The following COX10 variants were observed in gnomAD, a reference collection of about 807,000 sequenced individuals.
COX10 encodes protoheme IX farnesyltransferase, mitochondrial.
In COX10, 27 loss-of-function variants were observed where a neutral mutation model predicts 37.3. That is an observed-to-expected ratio of 0.72 (90% confidence interval 0.53 to 1.00). The LOEUF is 1.00. Among genes scored for constraint, COX10 ranks in the 50% least tolerant of loss-of-function variants. The pLI, the probability that COX10 is intolerant of heterozygous loss-of-function variation, is 0.00. For synonymous variants in COX10, 222 were observed against 229.1 expected (o/e 0.97, Z 0.28); for missense variants, 475 against 563.2 (o/e 0.84, Z 1.59).
intron 6 of COX10, among the ~76,000 whole-genome samples, chr17:14,200,936 G>T (rs760565519): frequency 1.3e-5 from 2 of 152,178 alleles, no homozygotes; most frequent in Non-Finnish European, 2.9e-5. Context: ...GCTGAATTAA[G>T]TGTTCTCCTG....
chr17:14,185,652 C>T (rs947769211), intron 5 of COX10, among the ~76,000 whole-genome samples: 2 of 151,718 alleles, frequency 1.3e-5, no homozygotes, highest in African/African-American at 2.4e-5. Flanking sequence ...ATTGCTTGTC[C>T]TCTTTCTACT....
intron 4 of COX10, among the ~76,000 whole-genome samples, chr17:14,125,501 C>G (rs1239307087): frequency 1.3e-5 from 2 of 152,034 alleles, no homozygotes. Context: ...ATATTCAGAG[C>G]CAGACGATGA....
At chr17:14,088,710 A>T (rs1915465261) in intron 3 of COX10, among the ~76,000 whole-genome samples, 1 of 152,216 alleles carries the variant, frequency 6.6e-6, no homozygotes, top group Non-Finnish European at 1.5e-5. Context: ...GACTTAAACA[A>T]GTAAAGGGTT....
In COX10 at chr17:14,178,296, T is replaced by C. The variant is rs1288048912; in HGVS notation, c.696-13693T>C. Among the ~76,000 whole-genome samples the C allele has an allele frequency of 9.2e-5, 9 of 97,702 alleles. 3 individuals are homozygous for C. The highest frequency in any genetic ancestry group is 2.2e-4 in the Non-Finnish European group (9 of 40,334). The allele number at this position is 97,702 out of a possible 152,430, so 64.1% of individuals were successfully genotyped here. A position where few individuals can be genotyped will look rare whatever the true frequency, so the allele number is the denominator to read the frequency against. On this transcript the variant is annotated intron_variant, in intron 5 of 6. Coordinates refer to ENST00000261643, the MANE Select transcript of COX10 (RefSeq NM_001303.4). ...TCTCAGGAGGATAAAACCAAGTGTT[T>C]TGCCCTAGGAGATTATAGCTGCCAG...
rs150229873 is a variant in COX10, at chr17:14,190,173, T to C, written c.696-1816T>C. Among the ~76,000 whole-genome samples the C allele has an allele frequency of 3.8e-3, 580 of 152,248 alleles. 14 individuals are homozygous for C. Among genetic ancestry groups the C allele is most frequent in the Admixed American group, 0.032 (491 of 15,288 alleles). On this transcript the variant is annotated intron_variant, in intron 5 of 6. Coordinates refer to ENST00000261643, the MANE Select transcript of COX10 (RefSeq NM_001303.4). Reference sequence around the variant, plus strand: ...TGAGAAGGCAGGAGAAGAGTTAAAATAGTCACTATAAGGAACGAAAATGGA... The same window carrying C: ...TGAGAAGGCAGGAGAAGAGTTAAAACAGTCACTATAAGGAACGAAAATGGA...
chr17:14,166,015 A>T (rs78310148), intron 5 of COX10, among the ~76,000 whole-genome samples: 1 of 152,246 alleles, frequency 6.6e-6, no homozygotes. Flanking sequence ...GGATTGGTTC[A>T]TGAGGTTTAA....
At chr17:14,195,199 G>A (rs1906332918) in intron 6 of COX10, among the ~76,000 whole-genome samples, 1 of 152,216 alleles carries the variant, frequency 6.6e-6, no homozygotes, top group African/African-American at 2.4e-5. Flanking sequence ...CTTGAGATAA[G>A]CAGCAAATAC....
intron 5 of COX10, among the ~76,000 whole-genome samples, chr17:14,185,521 TAA>T (rs1395847394): frequency 6.6e-6 from 1 of 152,166 alleles, no homozygotes; most frequent in Non-Finnish European, 1.5e-5. Context: ...ATCTCTTGAT[TAA>T]AACAGCTAAA....
Position 14,076,749 on chromosome 17 carries a change from G to A in COX10, c.192G>A (p.Leu64=), listed in dbSNP as rs569444237. 3.3e-5 allele frequency: 53 copies of A among 1,614,118 alleles called. No homozygotes were observed. In the African/African-American group the frequency reaches 6.8e-4, roughly 21 times the overall value. Residue 64 remains leucine (L), a synonymous_variant, in exon 3 of 7, where the codon CTG becomes CTA. Coordinates refer to ENST00000261643, the MANE Select transcript of COX10 (RefSeq NM_001303.4). Reference sequence around the variant, plus strand: ...TTTTTGTTTAGTATGTCACACAGCTGAACAGAAGCCACAACCAGCAAGTAA... The same window carrying A: ...TTTTTGTTTAGTATGTCACACAGCTAAACAGAAGCCACAACCAGCAAGTAA... The part of the protein sequence containing the change: ...SFLKRMYVTQ[L]NRSHNQQVRP...
At chr17:14,188,343 A>G (rs1211013887) in intron 5 of COX10, among the ~76,000 whole-genome samples, 4 of 151,742 alleles carry the variant, frequency 2.6e-5, no homozygotes, top group African/African-American at 9.7e-5. Context: ...AACAACACAG[A>G]GGTATCTTTG....
At chr17:14,170,587 G>A (rs1429434083) in intron 5 of COX10, among the ~76,000 whole-genome samples, 1 of 152,158 alleles carries the variant, frequency 6.6e-6, no homozygotes, top group African/African-American at 2.4e-5. Flanking sequence ...GGCAAAGGTG[G>A]GCAGATCGCT....
chr17:14,206,798 A>ACCG lies in COX10; in HGVS notation c.929-10_929-9insGCC, dbSNP rs1567615149. 2.5e-6 allele frequency: 4 copies of ACCG among 1,613,662 alleles called. No individual in the cohort carries two copies. The highest frequency in any genetic ancestry group is 3.4e-6 in the Non-Finnish European group (4 of 1,179,866). ...GCCTTTGTCTCCCTCTCCTTCCCTGACCCCCGCACAGGCGCATTTCTCCTG... is the reference window on the plus strand; with the variant it reads ...GCCTTTGTCTCCCTCTCCTTCCCTGACCGCCCCCGCACAGGCGCATTTCTCCTG... On this transcript the variant is annotated splice_polypyrimidine_tract_variant and intron_variant, in intron 6 of 6. Transcript: ENST00000261643.
At chr17:14,150,836 T>C (rs1285260653) in intron 4 of COX10, among the ~76,000 whole-genome samples, 2 of 152,210 alleles carry the variant, frequency 1.3e-5, no homozygotes, top group African/African-American at 4.8e-5. Context: ...TAGCTTGACC[T>C]GGACAGCTGC....
intron 4 of COX10, among the ~76,000 whole-genome samples, chr17:14,146,134 A>G (rs551828753): frequency 5.1e-4 from 77 of 152,110 alleles, no homozygotes; most frequent in Non-Finnish European, 9.8e-4. Flanking sequence ...TTTATATGGA[A>G]CCACAAAAGA....
At chr17:14,181,875 G>T (rs533910076) in intron 5 of COX10, 5 of 616,532 alleles carry the variant, frequency 8.1e-6, no homozygotes, top group Admixed American at 6.3e-5. Flanking sequence ...CGAAGTCTTT[G>T]TACAAATTAC....
intron 4 of COX10, among the ~76,000 whole-genome samples, chr17:14,157,866 AT>A (rs1297465207): frequency 2.0e-5 from 3 of 152,238 alleles, no homozygotes; most frequent in Non-Finnish European, 4.4e-5. Flanking sequence ...TGTGTAGCCC[AT>A]CCTTCATAAA....
chr17:14,115,545 A>G (rs531342573), intron 4 of COX10, among the ~76,000 whole-genome samples: 1 of 152,332 alleles, frequency 6.6e-6, no homozygotes, highest in African/African-American at 2.4e-5. Context: ...TACCCAAAGG[A>G]AAAGAAATCA....
Position 14,199,099 on chromosome 17 carries a change from G to A in COX10, c.928+6878G>A, listed in dbSNP as rs75031196. Among the ~76,000 whole-genome samples the A allele has an allele frequency of 8.6e-3, 1,308 of 151,746 alleles. 46 individuals are homozygous for A. In the East Asian group the frequency reaches 0.092, roughly 11 times the overall value. On this transcript the variant is annotated intron_variant, in intron 6 of 6. Coordinates refer to ENST00000261643, the MANE Select transcript of COX10 (RefSeq NM_001303.4). ...AAAAAAAAAAGAGCTACGAAAGAAC[G>A]TACTAGAAATTATGTTGCAAGCCCC...
At chr17:14,181,155 G>C (rs1241903034) in intron 5 of COX10, among the ~76,000 whole-genome samples, 1 of 152,202 alleles carries the variant, frequency 6.6e-6, no homozygotes. Flanking sequence ...CTTAGAGGAT[G>C]AGTAAGAGAT....
Sources: gnomAD v4.1 joint callset for allele counts (sites outside exome capture counted in the v4.1 genomes callset) on GRCh38, gnomAD v4.1.1 for gene constraint, MANE v1.5 for transcripts, NCBI Gene and HGNC (gene_info 2026-07-23, HGNC 2026-07-21) for gene names.